The following MYO16 variants were observed in gnomAD, a reference collection of about 807,000 sequenced individuals.
The protein encoded by MYO16 is myosin XVI.
MYO16 carries 94 observed loss-of-function variants against 205.3 expected under a neutral mutation model. The observed-to-expected ratio is 0.46, with a 90% CI of 0.39 to 0.54. The LOEUF is 0.54. Among genes scored for constraint, MYO16 ranks in the 20% least tolerant of loss-of-function variants. MYO16 has a pLI of 0.00. For missense variants in MYO16, 2,315 were observed against 2,387.5 expected (o/e 0.97, Z 0.63); for synonymous variants, 988 against 954.0 (o/e 1.04, Z -0.66).
chr13:108,923,144 C>T (rs1881821775), intron 16 of MYO16, among the ~76,000 whole-genome samples: 1 of 152,158 alleles, frequency 6.6e-6, no homozygotes, highest in Admixed American at 6.5e-5. Context: ...AGGACAGGAG[C>T]ACCTAGAGTA....
intron 30 of MYO16, among the ~76,000 whole-genome samples, chr13:109,126,733 A>C (rs1447495568): frequency 6.6e-6 from 1 of 152,212 alleles, no homozygotes; most frequent in Non-Finnish European, 1.5e-5. Context: ...TAATTAAATA[A>C]TTTCTGGTAG....
intron 2 of MYO16, among the ~76,000 whole-genome samples, chr13:108,673,934 A>AT (rs1339939465): frequency 1.3e-5 from 2 of 152,092 alleles, no homozygotes; most frequent in Non-Finnish European, 2.9e-5. Flanking sequence ...AGTCACTTTG[A>AT]TTTTTGGTGC....
intron 32 of MYO16, among the ~76,000 whole-genome samples, chr13:109,142,656 C>G (rs1323419584): frequency 1.3e-5 from 2 of 152,140 alleles, no homozygotes; most frequent in African/African-American, 4.8e-5. Context: ...ACCTTAGCCT[C>G]TGTTCCATTG....
intron 24 of MYO16, among the ~76,000 whole-genome samples, chr13:109,050,608 C>T (rs9559476): frequency 0.34 from 52,168 of 152,036 alleles, 9,860 homozygotes; most frequent in East Asian, 0.83. Flanking sequence ...ATGATTCTTG[C>T]CTAAATCAGT....
intron 2 of MYO16, among the ~76,000 whole-genome samples, chr13:108,668,330 G>T (rs1440363180): frequency 6.6e-6 from 1 of 152,184 alleles, no homozygotes; most frequent in Admixed American, 6.5e-5. Context: ...GAGCTAGGGT[G>T]TGGTGAGAAA....
At chr13:108,596,257 G>C (rs1045960840) in intron 1 of MYO16, 1 of 152,148 alleles carries the variant, frequency 6.6e-6, no homozygotes, top group Admixed American at 6.5e-5. Context: ...GGTCAGCTCT[G>C]GTTCACTCTT....
intron 1 of MYO16, among the ~76,000 whole-genome samples, chr13:108,610,081 C>T (rs1049237250): frequency 4.6e-5 from 7 of 152,152 alleles, no homozygotes; most frequent in South Asian, 4.1e-4. Context: ...AGTGTTACAC[C>T]TGAAACGGGT....
chr13:108,951,762 A>G (rs551789351), intron 16 of MYO16, among the ~76,000 whole-genome samples: 1 of 152,288 alleles, frequency 6.6e-6, no homozygotes, highest in Admixed American at 6.5e-5. Context: ...TTCAGTTGCC[A>G]ACTCAACCCA....
chr13:109,071,476 CA>C (rs1208675320), intron 27 of MYO16, among the ~76,000 whole-genome samples: 1 of 152,118 alleles, frequency 6.6e-6, no homozygotes, highest in Admixed American at 6.5e-5. Flanking sequence ...TGATGAGAGA[CA>C]GGGGCAATGT....
intron 4 of MYO16, among the ~76,000 whole-genome samples, chr13:108,752,808 ATTTTTTTTT>A (rs58645882): frequency 1.1e-5 from 1 of 90,576 alleles, no homozygotes; most frequent in Non-Finnish European, 2.1e-5. Context: ...TGCCCAGCTA[ATTTTTTTTT>A]TTTTTTTTTT....
At chr13:108,746,425 A>G (rs966448496) in intron 4 of MYO16, among the ~76,000 whole-genome samples, 1 of 152,068 alleles carries the variant, frequency 6.6e-6, no homozygotes, top group Non-Finnish European at 1.5e-5. Flanking sequence ...GTAAGTATAC[A>G]CTTTCATAGA....
chr13:108,622,815 G>A (rs1328492322), intron 1 of MYO16, among the ~76,000 whole-genome samples: 2 of 152,042 alleles, frequency 1.3e-5, no homozygotes, highest in Non-Finnish European at 2.9e-5. Context: ...CACTCACAGA[G>A]CATCCTGGCA....
chr13:108,899,590 TGTC>T (rs1880609487), intron 15 of MYO16, among the ~76,000 whole-genome samples: 1 of 152,184 alleles, frequency 6.6e-6, no homozygotes, highest in Admixed American at 6.5e-5. Flanking sequence ...ATCGGAGAAC[TGTC>T]GTGAGCCTCA....
At chr13:108,936,557 A>G (rs1882498811) in intron 16 of MYO16, among the ~76,000 whole-genome samples, 1 of 152,022 alleles carries the variant, frequency 6.6e-6, no homozygotes, top group South Asian at 2.1e-4. Flanking sequence ...TTTCTGTAGG[A>G]GTGGTTATAA....
chr13:108,499,667 C>T, the MYO16 span, among the ~76,000 whole-genome samples: 2 of 152,184 alleles, frequency 1.3e-5, no homozygotes, highest in South Asian at 4.1e-4. Flanking sequence ...TAGGTTTACA[C>T]TCTCAACTGT....
Position 108,961,527 on chromosome 13 carries a change from T to C in MYO16, c.2038-12T>C, listed in dbSNP as rs1475108777. The C allele has an allele frequency of 1.2e-6, 2 of 1,602,434 alleles. No homozygotes were observed. The highest frequency in any genetic ancestry group is 1.7e-6 in the Non-Finnish European group (2 of 1,169,456). ...GCACCCTATTCATTCTCTCTGTTTGTAAAATGCATAGGAGGTGGAGAATCT... is the reference window on the plus strand; with the variant it reads ...GCACCCTATTCATTCTCTCTGTTTGCAAAATGCATAGGAGGTGGAGAATCT... On this transcript the variant is annotated splice_polypyrimidine_tract_variant and intron_variant, in intron 17 of 34. Coordinates refer to ENST00000457511, the MANE Select transcript of MYO16 (RefSeq NM_001198950.3).
chr13:109,182,442 G>A (rs2139923020), intron 34 of MYO16, among the ~76,000 whole-genome samples: 1 of 152,262 alleles, frequency 6.6e-6, no homozygotes, highest in African/African-American at 2.4e-5. Context: ...ATTAGTCGGA[G>A]AAGAACTTTG....
chr13:108,610,385 C>T (rs1373762798), intron 1 of MYO16, among the ~76,000 whole-genome samples: 3 of 152,102 alleles, frequency 2.0e-5, no homozygotes, highest in Admixed American at 1.3e-4. Context: ...CTGCACTAGA[C>T]ATTTTTTCTT....
chr13:109,168,679 C>T (rs370439587), intron 33 of MYO16, among the ~76,000 whole-genome samples: 4 of 152,042 alleles, frequency 2.6e-5, no homozygotes, highest in Non-Finnish European at 5.9e-5. Flanking sequence ...GAGCCCTGAT[C>T]GCGCCACTGC....
Sources: allele counts gnomAD v4.1 joint callset (sites outside exome capture counted in the v4.1 genomes callset), GRCh38; gene constraint gnomAD v4.1.1; transcripts MANE v1.5; gene names NCBI Gene and HGNC (gene_info 2026-07-23, HGNC 2026-07-21).